The following ZMYM2 variants were observed in gnomAD, a reference collection of about 807,000 sequenced individuals.
ZMYM2 encodes the protein zinc finger MYM-type protein 2.
In ZMYM2, 56 loss-of-function variants were observed where a neutral mutation model predicts 162.8. The observed-to-expected ratio is 0.34, with a 90% CI of 0.28 to 0.43. The LOEUF is 0.43. Among genes scored for constraint, ZMYM2 ranks in the 20% least tolerant of loss-of-function variants. The pLI, the probability that ZMYM2 is intolerant of heterozygous loss-of-function variation, is 1.00. For synonymous variants in ZMYM2, 510 were observed against 541.6 expected, an observed-to-expected ratio of 0.94 and a Z score of 0.81; for missense variants, 1,275 against 1,621.8, an observed-to-expected ratio of 0.79 and a Z score of 3.67.
the ZMYM2 span, among the ~76,000 whole-genome samples, chr13:19,885,912 TATA>T: frequency 1.0e-4 from 10 of 100,354 alleles, 4 homozygotes; most frequent in African/African-American, 3.6e-4. Flanking sequence ...TATATATGTA[TATA>T]CACATATATA....
At chr13:19,961,064 A>T (rs1006060016) in intron 2 of ZMYM2, among the ~76,000 whole-genome samples, 1 of 152,082 alleles carries the variant, frequency 6.6e-6, no homozygotes, top group Non-Finnish European at 1.5e-5. Flanking sequence ...CCCACAGGGT[A>T]ATACCTATGG....
the ZMYM2 span, among the ~76,000 whole-genome samples, chr13:19,907,061 G>A: frequency 2.0e-5 from 3 of 152,014 alleles, no homozygotes; most frequent in African/African-American, 7.2e-5. Flanking sequence ...GTTCATAATG[G>A]CTTCTTCTTA....
chr13:20,085,759 A>G (rs1958225179), intron 24 of ZMYM2, 63 bp from the exon 25 acceptor site: 1 of 1,498,872 alleles, frequency 6.7e-7, no homozygotes, highest in African/African-American at 1.4e-5. Context: ...ATTCTTGAAA[A>G]AAGAAAAAGT....
chr13:19,993,783 T>G lies in ZMYM2; in HGVS notation c.711T>G (p.Phe237Leu). The change falls in exon 3 of 25, where the codon TTT becomes TTG. Residue 237 changes from phenylalanine (F) to leucine (L), a missense_variant. Phe to Leu is a conservative substitution (Grantham distance 22). Transcript: ENST00000610343. Reference protein sequence around the residue: ...DVSNGLQSSNFGVNIQTYTPS... With the variant: ...DVSNGLQSSNLGVNIQTYTPS... ...CTAACGGACTGCAGTCAAGTAATTT[T>G]GGTGTTAATATACAAACATACACCC... The G allele has an allele frequency of 6.2e-7, 1 of 1,614,198 alleles. No individual in the cohort carries two copies. The highest frequency in any genetic ancestry group is 8.5e-7 in the Non-Finnish European group (1 of 1,180,024).
At chr13:19,949,747 C>T in the ZMYM2 span, among the ~76,000 whole-genome samples, 1 of 151,448 alleles carries the variant, frequency 6.6e-6, no homozygotes, top group Non-Finnish European at 1.5e-5. Flanking sequence ...ATTAGCTGGG[C>T]GTGGTGGCGG....
At chr13:19,946,100 A>G in the ZMYM2 span, among the ~76,000 whole-genome samples, 452 of 152,200 alleles carry the variant, frequency 3.0e-3, 4 homozygotes, top group African/African-American at 0.01. Context: ...CCACCACCCT[A>G]TTTGAGGCTA....
At chr13:19,972,163 C>G (rs1228527778) in intron 2 of ZMYM2, among the ~76,000 whole-genome samples, 1 of 152,150 alleles carries the variant, frequency 6.6e-6, no homozygotes, top group African/African-American at 2.4e-5. Flanking sequence ...TAGACTCTGT[C>G]ATAACCCTTG....
intron 7 of ZMYM2, chr13:20,024,723 C>G (rs886929432): frequency 4.6e-6 from 1 of 219,210 alleles, no homozygotes; most frequent in African/African-American, 2.2e-5. Flanking sequence ...AGAGCATTCT[C>G]TTCTATTATA....
At chr13:19,915,085 C>G in the ZMYM2 span, among the ~76,000 whole-genome samples, 1 of 152,166 alleles carries the variant, frequency 6.6e-6, no homozygotes, top group African/African-American at 2.4e-5. Context: ...CTTCAGCCTC[C>G]CGAGTAGCTG....
At chr13:19,881,619 C>T in the ZMYM2 span, among the ~76,000 whole-genome samples, 1 of 148,234 alleles carries the variant, frequency 6.7e-6, no homozygotes, top group African/African-American at 2.5e-5. Flanking sequence ...GAGACTCAGT[C>T]TCAATAAAAA....
chr13:19,995,530 C>T lies in ZMYM2; in HGVS notation c.847+1611C>T, dbSNP rs185333394. On this transcript the variant is annotated intron_variant, in intron 3 of 24. Coordinates refer to ENST00000610343, the MANE Select transcript of ZMYM2 (RefSeq NM_197968.4). The stretch of plus-strand genomic sequence containing the variant: ...AGTAGCTGGAATTATAAATGTGTGC[C>T]ACCATACCCAGCTAATTTTTGTATT... Among the ~76,000 whole-genome samples, 7 of 152,158 alleles carry T rather than the reference C, an allele frequency of 4.6e-5. 1 individual carries two copies. The East Asian group carries it at 1.4e-3, about 29-fold the overall frequency.
chr13:20,001,517 G>T (rs748224765), intron 3 of ZMYM2, among the ~76,000 whole-genome samples: 1 of 152,004 alleles, frequency 6.6e-6, no homozygotes, highest in Admixed American at 6.6e-5. Context: ...TTCTTGAGAT[G>T]AATCTATTCC....
In ZMYM2 at chr13:19,993,700, A is replaced by G. The variant is rs1267572271; in HGVS notation, c.628A>G (p.Met210Val). The G allele has an allele frequency of 1.9e-6, 3 of 1,614,050 alleles. No homozygotes were observed. The highest frequency in any genetic ancestry group is 2.2e-5 in the South Asian group (2 of 91,084). The change falls in exon 3 of 25, where the codon ATG becomes GTG. Residue 210 changes from methionine to valine, a missense_variant. By Grantham distance (21) the Met-to-Val change is conservative (BLOSUM62 1). Coordinates refer to ENST00000610343, the MANE Select transcript of ZMYM2 (RefSeq NM_197968.4). Reference protein sequence around the residue: ...GQLENTDGRDMNLMITHVTSL... With the variant: ...GQLENTDGRDVNLMITHVTSL... ...ATTAGAAAATACTGACGGGCGAGAT[A>G]TGAACTTAATGATTACACATGTAAC...
the ZMYM2 span, among the ~76,000 whole-genome samples, chr13:19,942,169 A>T: frequency 2.0e-5 from 3 of 152,158 alleles, no homozygotes; most frequent in Non-Finnish European, 2.9e-5. Context: ...TAATAGCTTC[A>T]TGTGTAAGAA....
chr13:19,971,244 G>GTA (rs1555278426), intron 2 of ZMYM2, among the ~76,000 whole-genome samples: 16 of 50,140 alleles, frequency 3.2e-4, no homozygotes, highest in African/African-American at 1.0e-3. Flanking sequence ...GTGTGTGTGT[G>GTA]TATATATATA....
At chr13:20,075,572 C>T (rs1434323306) in intron 21 of ZMYM2, among the ~76,000 whole-genome samples, 5 of 151,388 alleles carry the variant, frequency 3.3e-5, no homozygotes, top group Non-Finnish European at 7.4e-5. Flanking sequence ...CTACGATAAC[C>T]ATCATTAACA....
At chr13:20,007,620 G>GTTT (rs71198950) in intron 6 of ZMYM2, among the ~76,000 whole-genome samples, 22 of 135,028 alleles carry the variant, frequency 1.6e-4, no homozygotes, top group East Asian at 6.4e-4. Context: ...TCCCTCTTTA[G>GTTT]TTTTTTTTTT....
chr13:19,899,929 A>G, the ZMYM2 span, among the ~76,000 whole-genome samples: 1 of 152,002 alleles, frequency 6.6e-6, no homozygotes, highest in Non-Finnish European at 1.5e-5. Flanking sequence ...TTGACTCTGA[A>G]AAAAAAAGAA....
chr13:19,937,492 C>T, the ZMYM2 span, among the ~76,000 whole-genome samples: 1 of 139,214 alleles, frequency 7.2e-6, no homozygotes, highest in Non-Finnish European at 1.5e-5. Context: ...GAGTCTCAGT[C>T]TCGTTATGTC....
Sources: allele counts gnomAD v4.1 joint callset (sites outside exome capture counted in the v4.1 genomes callset), GRCh38; gene constraint gnomAD v4.1.1; transcripts MANE v1.5; gene names NCBI Gene and HGNC (gene_info 2026-07-23, HGNC 2026-07-21).